TLK1: variants seen among roughly 807,000 people sequenced by gnomAD.
The protein encoded by TLK1 is serine/threonine-protein kinase tousled-like 1.
In TLK1, 24 loss-of-function variants were observed where a neutral mutation model predicts 105.3. The observed-to-expected ratio is 0.23, with a 90% confidence interval of 0.17 to 0.32. TLK1 has a LOEUF of 0.32. Ranked by LOEUF, TLK1 falls within the 10% of genes least tolerant of loss-of-function variation. TLK1 has a pLI of 1.00. For synonymous variants in TLK1, 321 were observed against 310.4 expected, an observed-to-expected ratio of 1.03 and a Z score of -0.36; for missense variants, 558 against 910.5, an observed-to-expected ratio of 0.61 and a Z score of 4.98.
At chr2:171,081,795 GTC>G (rs1214017318) in intron 3 of TLK1, 3 of 906,128 alleles carry the variant, frequency 3.3e-6, no homozygotes, top group Non-Finnish European at 4.7e-6. Flanking sequence ...GCACGAAACT[GTC>G]TACCTAGAGA....
At chr2:171,044,766 G>T (rs1462206643) in intron 11 of TLK1, among the ~76,000 whole-genome samples, 1 of 152,190 alleles carries the variant, frequency 6.6e-6, no homozygotes, top group African/African-American at 2.4e-5. Flanking sequence ...GCAGCCGGAT[G>T]AGTTAAAATG....
At chr2:171,210,522 C>T (rs74543145) in intron 1 of TLK1, among the ~76,000 whole-genome samples, 3,509 of 152,064 alleles carry the variant, frequency 0.023, 139 homozygotes, top group African/African-American at 0.079. Context: ...CGATTTCAGA[C>T]GTAATCAGAA....
chr2:171,120,092 C>CA (rs551350964), intron 1 of TLK1, among the ~76,000 whole-genome samples: 1 of 151,192 alleles, frequency 6.6e-6, no homozygotes, highest in East Asian at 1.9e-4. Flanking sequence ...ACTAAAAATA[C>CA]AAAAAAATTA....
At chr2:171,227,568 CTTTTTTTTTTTTTTTTTTTT>C (rs71401413) in intron 1 of TLK1, among the ~76,000 whole-genome samples, 58 of 55,508 alleles carry the variant, frequency 1.0e-3, no homozygotes, top group African/African-American at 3.9e-3. Context: ...AGTAAATCTC[CTTTTTTTTTTTTTTTTTTTT>C]TTTTTTTTTT....
intron 12 of TLK1, among the ~76,000 whole-genome samples, chr2:171,023,463 C>A (rs1040832633): frequency 2.6e-5 from 4 of 151,780 alleles, no homozygotes; most frequent in Non-Finnish European, 4.4e-5. Flanking sequence ...TAAAGCCAAT[C>A]CCTACTACAC....
chr2:171,060,704 A>G (rs1687711061), intron 4 of TLK1, among the ~76,000 whole-genome samples: 1 of 152,196 alleles, frequency 6.6e-6, no homozygotes, highest in Non-Finnish European at 1.5e-5. Context: ...CTTTAACTAG[A>G]GTCTCTCATA....
At chr2:171,203,557 A>G (rs1693442589) in intron 1 of TLK1, among the ~76,000 whole-genome samples, 1 of 152,200 alleles carries the variant, frequency 6.6e-6, no homozygotes, top group African/African-American at 2.4e-5. Context: ...ATTCCATTAC[A>G]TGTATAAACC....
chr2:171,082,697 A>C (rs1475357196), intron 3 of TLK1, 84 bp downstream of exon 3: 5 of 1,076,748 alleles, frequency 4.6e-6, no homozygotes, highest in Non-Finnish European at 7.0e-6. Context: ...TAGCAAAAGA[A>C]CTGATGAAGA....
chr2:171,172,697 A>G (rs1039399673), intron 1 of TLK1, among the ~76,000 whole-genome samples: 2 of 152,114 alleles, frequency 1.3e-5, no homozygotes, highest in South Asian at 2.1e-4. Flanking sequence ...TATTCTGGCC[A>G]TGTAAGATGT....
chr2:171,123,057 T>TATACAC (rs376713876), intron 1 of TLK1, among the ~76,000 whole-genome samples: 2 of 141,218 alleles, frequency 1.4e-5, no homozygotes, highest in South Asian at 2.3e-4. Flanking sequence ...AATAAATAAA[T>TATACAC]ACACACACAC....
intron 8 of TLK1, 112 bp from the exon 9 acceptor site, chr2:171,050,286 T>G: frequency 1.5e-6 from 1 of 654,846 alleles, no homozygotes; most frequent in Admixed American, 3.6e-5. Context: ...TAATATTAAA[T>G]ATCTGAGTAT....
chr2:171,033,301 C>T (rs1686137083), intron 11 of TLK1, among the ~76,000 whole-genome samples: 2 of 152,076 alleles, frequency 1.3e-5, no homozygotes, highest in Admixed American at 1.3e-4. Flanking sequence ...TCACCAAAAG[C>T]ATAAACAACA....
At chr2:171,174,904 G>A (rs1488804487) in intron 1 of TLK1, among the ~76,000 whole-genome samples, 1 of 151,716 alleles carries the variant, frequency 6.6e-6, no homozygotes, top group Non-Finnish European at 1.5e-5. Context: ...CATTTTAAAT[G>A]ATTTTTATTT....
intron 18 of TLK1, among the ~76,000 whole-genome samples, chr2:170,998,042 ATCTT>A (rs1684149183): frequency 1.4e-5 from 2 of 143,358 alleles, no homozygotes; most frequent in South Asian, 2.3e-4. Context: ...ATCTCTATCT[ATCTT>A]TATCTATCTA....
chr2:171,013,170 G>A (rs1318696153), intron 13 of TLK1, among the ~76,000 whole-genome samples: 2 of 151,510 alleles, frequency 1.3e-5, no homozygotes, highest in Non-Finnish European at 2.9e-5. Context: ...CCACCACAAC[G>A]CTGGGCTAGT....
chr2:171,116,570 A>G, intron 2 of TLK1, among the ~76,000 whole-genome samples: 1 of 151,798 alleles, frequency 6.6e-6, no homozygotes, highest in East Asian at 1.9e-4. Context: ...CATGGTGGTG[A>G]GCACCTGTAA....
intron 5 of TLK1, among the ~76,000 whole-genome samples, chr2:171,057,278 A>G (rs1687546208): frequency 6.6e-6 from 1 of 152,020 alleles, no homozygotes; most frequent in African/African-American, 2.4e-5. Flanking sequence ...TTGTTTAATT[A>G]CTTTACTTAC....
At chr2:171,030,786 C>A (rs986270143) in intron 11 of TLK1, among the ~76,000 whole-genome samples, 1 of 151,948 alleles carries the variant, frequency 6.6e-6, no homozygotes, top group Non-Finnish European at 1.5e-5. Flanking sequence ...TTGATTTTTA[C>A]TGAATTACAA....
chr2:171,072,055 C>G (rs1386602810), intron 3 of TLK1, among the ~76,000 whole-genome samples: 1 of 152,142 alleles, frequency 6.6e-6, no homozygotes, highest in African/African-American at 2.4e-5. Context: ...TTGTTCTTTG[C>G]TCAGGATAGC....
Sources: gnomAD v4.1 joint callset for allele counts (sites outside exome capture counted in the v4.1 genomes callset) on GRCh38, gnomAD v4.1.1 for gene constraint, MANE v1.5 for transcripts, NCBI Gene and HGNC (gene_info 2026-07-23, HGNC 2026-07-21) for gene names.